The following TMIGD1 variants were observed in gnomAD, a reference collection of about 807,000 sequenced individuals.
The protein encoded by TMIGD1 is transmembrane and immunoglobulin domain containing 1, also known as transmembrane and immunoglobulin domain-containing protein 1.
In TMIGD1, 29 loss-of-function variants were observed where a neutral mutation model predicts 27.5. The ratio of observed to expected loss-of-function variants is 1.05; its 90% CI spans 0.78 to 1.44. The LOEUF (loss-of-function observed/expected upper bound fraction) is 1.44. TMIGD1 is among the 40% of genes most tolerant of loss of function. The pLI is 0.00. For missense variants in TMIGD1, 334 were observed against 310.6 expected, an observed-to-expected ratio of 1.08 and a Z score of -0.57; for synonymous variants, 109 against 110.3, an observed-to-expected ratio of 0.99 and a Z score of 0.07.
chr17:30,330,867 T>G (rs985343263), intron 2 of TMIGD1, among the ~76,000 whole-genome samples: 4 of 152,242 alleles, frequency 2.6e-5, no homozygotes, highest in Non-Finnish European at 5.9e-5. Context: ...CATTTGTTAA[T>G]ATGTTCTGTA....
chr17:30,327,045 T>TACACACACACACACAC (rs60346282), intron 3 of TMIGD1, among the ~76,000 whole-genome samples: 1 of 146,494 alleles, frequency 6.8e-6, no homozygotes, highest in Non-Finnish European at 1.5e-5. Flanking sequence ...CAATTAACTA[T>TACACACACACACACAC]ACACACACAC....
In TMIGD1 at chr17:30,331,583, A is replaced by ATT. The variant is rs71360742; in HGVS notation, c.82+467_82+468dup. On this transcript the variant is annotated intron_variant, in intron 2 of 6. Coordinates refer to ENST00000328886, the MANE Select transcript of TMIGD1 (RefSeq NM_206832.3). ...CCTAAAAACAATATTTTTCCATTTG[A>ATT]TTTTTTTTTTTTTTTTTTTGAGACG... 9.1e-4 allele frequency among the ~76,000 whole-genome samples: 121 copies of ATT among 133,158 alleles called. 1 individual carries two copies. Among genetic ancestry groups the ATT allele is most frequent in the Non-Finnish European group, 1.2e-3 (77 of 61,908 alleles). The allele number at this position is 133,158 out of a possible 152,430, so 87.4% of individuals were successfully genotyped here. A position where few individuals can be genotyped will look rare whatever the true frequency, so the allele number is the denominator to read the frequency against.
chr17:30,317,804 T>A (rs558305060), intron 5 of TMIGD1, among the ~76,000 whole-genome samples: 1 of 150,374 alleles, frequency 6.7e-6, no homozygotes, highest in Non-Finnish European at 1.5e-5. Context: ...GTGTGGTGGC[T>A]CATGCCTGTA....
intron 4 of TMIGD1, among the ~76,000 whole-genome samples, chr17:30,320,911 G>C (rs1397870391): frequency 6.6e-6 from 1 of 152,040 alleles, no homozygotes; most frequent in East Asian, 1.9e-4. Context: ...AGGCTGGAGT[G>C]CAGTGGCTTG....
chr17:30,330,112 C>T (rs926513798), intron 2 of TMIGD1, among the ~76,000 whole-genome samples: 11 of 151,998 alleles, frequency 7.2e-5, no homozygotes, highest in African/African-American at 1.4e-4. Flanking sequence ...GCCTGATTCT[C>T]ATCCCCAGAC....
At position 30,319,632 on chromosome 17, in the gene TMIGD1, G is replaced by T. The variant is rs140792344; in HGVS notation, c.641-719C>A. Among the ~76,000 whole-genome samples the T allele has an allele frequency of 4.2e-3, 642 of 151,904 alleles. 4 individuals carry two copies. The highest frequency in any genetic ancestry group is 6.9e-3 in the Non-Finnish European group (468 of 67,978). ...AAGTCAACGATTTTGCCTGGATTTTGAAAAGTCCAAAATATATTGGGAAGT... is the reference window on the plus strand; with the variant it reads ...AAGTCAACGATTTTGCCTGGATTTTTAAAAGTCCAAAATATATTGGGAAGT... On this transcript the variant is annotated intron_variant, in intron 4 of 6. Transcript: ENST00000328886.
In TMIGD1 at chr17:30,319,015, T is replaced by C. The variant is rs908882818; in HGVS notation, c.641-102A>G. On this transcript the variant is annotated intron_variant, in intron 4 of 6. Transcript: ENST00000328886. ...ACTTTATGTGTGTCATCCCCTTAAT[T>C]AAACCTTCTCAACAATCTCAAAAAG... The C allele has an allele frequency of 7.4e-6, 6 of 808,226 alleles. No homozygotes were observed. The Admixed American group carries it at 1.2e-4, about 16-fold the overall frequency. 50.1% of individuals were successfully genotyped at this position (808,226 alleles called of 1,614,324 possible). A position where few individuals can be genotyped will look rare whatever the true frequency, so the allele number is the denominator to read the frequency against.
At chr17:30,331,375 A>C (rs896936120) in intron 2 of TMIGD1, among the ~76,000 whole-genome samples, 3 of 151,536 alleles carry the variant, frequency 2.0e-5, no homozygotes, top group African/African-American at 7.3e-5. Flanking sequence ...CATTACTTTT[A>C]AAATCAGAAA....
At position 30,316,401 on chromosome 17, in the gene TMIGD1, A is replaced by G. The variant is rs1358290053; in HGVS notation, c.*286T>C. 6.2e-6 allele frequency: 2 copies of G among 323,516 alleles called. No homozygotes were observed. Among genetic ancestry groups the G allele is most frequent in the East Asian group, 5.5e-5 (1 of 18,322 alleles). 20.0% of individuals were successfully genotyped at this position (323,516 alleles called of 1,614,324 possible). On this transcript the variant is annotated 3_prime_UTR_variant, in exon 7 of 7. Coordinates refer to ENST00000328886, the MANE Select transcript of TMIGD1 (RefSeq NM_206832.3). ...TATCTCCTACCTAGAAAAAAAACAC[A>G]CTAAACAGTAAATGATTACCAACCT...
chr17:30,322,034 G>A (rs1056722343), intron 4 of TMIGD1, among the ~76,000 whole-genome samples: 3 of 152,216 alleles, frequency 2.0e-5, no homozygotes, highest in African/African-American at 4.8e-5. Flanking sequence ...CCAATATGTT[G>A]CCCAGGCTGT....
chr17:30,332,635 A>G (rs1012629173), intron 1 of TMIGD1, among the ~76,000 whole-genome samples: 1 of 152,334 alleles, frequency 6.6e-6, no homozygotes, highest in African/African-American at 2.4e-5. Flanking sequence ...AAAAGCCTCA[A>G]TTGAAACATG....
intron 5 of TMIGD1, among the ~76,000 whole-genome samples, chr17:30,317,992 C>A (rs1001127816): frequency 5.9e-5 from 9 of 151,276 alleles, no homozygotes; most frequent in Non-Finnish European, 1.2e-4. Flanking sequence ...CACTTGAGCC[C>A]AGGAGGTTGA....
chr17:30,324,894 G>T lies in TMIGD1; in HGVS notation c.562C>A (p.Pro188Thr), dbSNP rs751358103. Residue 188 changes from proline to threonine, a missense_variant, in exon 4 of 7, where the codon CCT becomes ACT. By Grantham distance (38) the Pro-to-Thr change is conservative. Coordinates refer to ENST00000328886, the MANE Select transcript of TMIGD1 (RefSeq NM_206832.3). ...FQLSITKVEK[P>T]DNGTYSCIAK... Reference sequence around the variant, plus strand: ...ATACAACTGTAGGTTCCGTTGTCAGGCTTCTCGACTTTGGTGATTGACAGC... The same window carrying T: ...ATACAACTGTAGGTTCCGTTGTCAGTCTTCTCGACTTTGGTGATTGACAGC... The T allele has an allele frequency of 1.9e-5, 30 of 1,614,040 alleles. No individual in the cohort carries two copies. Among genetic ancestry groups the T allele is most frequent in the Non-Finnish European group, 2.5e-5 (29 of 1,180,016 alleles).
rs745758389 is a variant in TMIGD1 at position 30,317,199 on chromosome 17, G to T, written c.779C>A (p.Thr260Lys). The T allele has an allele frequency of 6.2e-7, 1 of 1,614,040 alleles. No individual in the cohort carries two copies. Residue 260 changes from threonine (T) to lysine (K), a missense_variant, in exon 6 of 7, where the codon ACA (threonine) becomes AAA (lysine). Thr to Lys is a moderately conservative substitution (Grantham distance 78). Coordinates refer to ENST00000328886, the MANE Select transcript of TMIGD1 (RefSeq NM_206832.3). ...CMKDKDPHSETAL is the reference protein window; with the variant it reads ...CMKDKDPHSEKAL ...CCCGGCCTAGAGTACTTACAGAGCT[G>T]TTTCACTGTGAGGGTCTTTATCCTT...
intron 4 of TMIGD1, among the ~76,000 whole-genome samples, chr17:30,321,042 G>C (rs374148550): frequency 6.6e-5 from 10 of 152,218 alleles, no homozygotes; most frequent in Non-Finnish European, 1.3e-4. Context: ...ATTTTAGGTA[G>C]AGACAGTGTT....
chr17:30,319,380 G>A (rs1051316119), intron 4 of TMIGD1, among the ~76,000 whole-genome samples: 59 of 137,584 alleles, frequency 4.3e-4, no homozygotes, highest in African/African-American at 1.5e-3. Flanking sequence ...AGCCAGGGTC[G>A]CGCTACTGCA....
chr17:30,327,525 C>T (rs975022438), intron 3 of TMIGD1, among the ~76,000 whole-genome samples: 1 of 151,106 alleles, frequency 6.6e-6, no homozygotes, highest in Admixed American at 6.6e-5. Context: ...TAGTCCGGGC[C>T]TTAGTTTCCT....
At chr17:30,317,994 G>A (rs1431839480) in intron 5 of TMIGD1, among the ~76,000 whole-genome samples, 1 of 151,976 alleles carries the variant, frequency 6.6e-6, no homozygotes, top group Non-Finnish European at 1.5e-5. Context: ...CTTGAGCCCA[G>A]GAGGTTGAGG....
rs1909999845 is a variant in TMIGD1, at chr17:30,332,117, C to G, written c.17G>C (p.Ser6Thr). 1.2e-6 allele frequency: 2 copies of G among 1,613,160 alleles called. No individual in the cohort carries two copies. MAWKS[S>T]VIMQMGRFLL... ...AAATCTTCCCATTTGCATTATGACACTGCTCTTCCATGCCATCTTTAATGA... is the reference window on the plus strand; with the variant it reads ...AAATCTTCCCATTTGCATTATGACAGTGCTCTTCCATGCCATCTTTAATGA... The change falls in exon 2 of 7, where the codon AGT becomes ACT. Residue 6 changes from serine to threonine, a missense_variant. Transcript: ENST00000328886.
Sources: allele counts gnomAD v4.1 joint callset (sites outside exome capture counted in the v4.1 genomes callset), GRCh38; gene constraint gnomAD v4.1.1; transcripts MANE v1.5; gene names NCBI Gene and HGNC (gene_info 2026-07-23, HGNC 2026-07-21).